Variants in KRT4 observed in about 807,000 individuals in gnomAD.
The protein encoded by KRT4 is keratin, type II cytoskeletal 4.
Under a neutral mutation model 50.6 loss-of-function variants are expected in KRT4, and 47 were observed. That is an observed-to-expected ratio of 0.93 (90% CI 0.73 to 1.18). The LOEUF (loss-of-function observed/expected upper bound fraction) is 1.18, where lower values mean the gene tolerates loss of function less well. Ranked by LOEUF, KRT4 falls within the 50% of genes most tolerant of loss-of-function variation. KRT4 has a pLI of 0.00. For missense variants in KRT4, 651 were observed against 645.7 expected, an observed-to-expected ratio of 1.01 and a Z score of -0.09; for synonymous variants, 254 against 251.2, an observed-to-expected ratio of 1.01 and a Z score of -0.10.
chr12:52,813,303 AC>A (rs1396278419), intron 1 of KRT4, among the ~76,000 whole-genome samples: 3 of 151,876 alleles, frequency 2.0e-5, no homozygotes, highest in Non-Finnish European at 4.4e-5. Context: ...GAAATAATGA[AC>A]CCCCTTTATA....
intron 2 of KRT4, among the ~76,000 whole-genome samples, chr12:52,811,288 C>T (rs996488472): frequency 6.6e-6 from 1 of 152,144 alleles, no homozygotes; most frequent in Non-Finnish European, 1.5e-5. Flanking sequence ...CTGAAATATG[C>T]CACATGCTTT....
At chr12:52,811,355 C>A in intron 2 of KRT4, 1 of 264,088 alleles carries the variant, frequency 3.8e-6, no homozygotes, top group Non-Finnish European at 7.3e-6. Context: ...GAATATTATC[C>A]CCATTTCAAA....
rs1447470085 is a variant in KRT4, at chr12:52,806,940, A to T, written c.*129T>A. ...GATCATCCTGGGGCAGAGAGAGCCC[A>T]TGGGATAGTGGAGGGGATACTAGTA... On this transcript the variant is annotated 3_prime_UTR_variant, in exon 9 of 9. Transcript: ENST00000551956. 4.5e-6 allele frequency: 4 copies of T among 891,806 alleles called. No homozygotes were observed. The highest frequency in any genetic ancestry group is 7.3e-6 in the Non-Finnish European group (4 of 549,398). The allele number at this position is 891,806 out of a possible 1,614,324, so 55.2% of individuals were successfully genotyped here. A position where few individuals can be genotyped will look rare whatever the true frequency, so the allele number is the denominator to read the frequency against.
rs200831095 is a variant in KRT4 at position 52,813,698 on chromosome 12, G to A, written c.361C>T (p.Pro121Ser). The change falls in exon 1 of 9, where the codon CCC becomes TCC. Residue 121 changes from proline to serine, a missense_variant. Pro to Ser is a moderately conservative substitution (Grantham distance 74, BLOSUM62 -1). Coordinates refer to ENST00000551956, the MANE Select transcript of KRT4 (RefSeq NM_002272.4). ...EVTINQSLLT[P>S]LHVEIDPEIQ... ...TCAGGGTCAATCTCCACGTGGAGGG[G>A]GGTGAGCAAGCTCTGGTTGATGGTG... The A allele has an allele frequency of 2.8e-6, 4 of 1,418,896 alleles. No homozygotes were observed. Among genetic ancestry groups the A allele is most frequent in the Admixed American group, 4.2e-5 (2 of 47,964 alleles). The allele number at this position is 1,418,896 out of a possible 1,614,324, so 87.9% of individuals were successfully genotyped here. A position where few individuals can be genotyped will look rare whatever the true frequency, so the allele number is the denominator to read the frequency against.
In KRT4 at chr12:52,808,811, CG is replaced by C; in HGVS notation, c.873del (p.Val292TrpfsTer57). 6.2e-7 allele frequency: 1 copy of C among 1,614,156 alleles called. No homozygotes were observed. On this transcript the variant is annotated frameshift_variant, in exon 5 of 9. Coordinates refer to ENST00000551956, the MANE Select transcript of KRT4 (RefSeq NM_002272.4). LOFTEE classifies it high-confidence loss of function. ...CGGTTGTTGTCCATGGAAAGGACCACGGACGTGTCGCTGACATGGGTCTGCA... is the reference window on the plus strand; with the variant it reads ...CGGTTGTTGTCCATGGAAAGGACCACGACGTGTCGCTGACATGGGTCTGCA... ...SQMQTHVSDTSVVLSMDNNRN... is the reference protein window; with the variant it reads ...SQMQTHVSDTXVVLSMDNNRN...
chr12:52,808,156 G>A (rs1939834799), intron 6 of KRT4, 138 bp downstream of exon 6: 2 of 1,147,844 alleles, frequency 1.7e-6, no homozygotes, highest in Admixed American at 3.4e-5. Flanking sequence ...ATCTGGGTAT[G>A]CCTTGCACAA....
chr12:52,809,613 C>A (rs1592310177), intron 3 of KRT4, 135 bp from the exon 4 acceptor site: 2 of 722,726 alleles, frequency 2.8e-6, no homozygotes, highest in Non-Finnish European at 5.0e-6. Context: ...TGGTGGGAGA[C>A]CAATTATTTT....
In KRT4 at chr12:52,813,753, G is replaced by T. The variant is rs373594963; in HGVS notation, c.306C>A (p.Pro102=). 9.9e-7 allele frequency: 1 copy of T among 1,010,810 alleles called. No homozygotes were observed. The highest frequency in any genetic ancestry group is 1.1e-4 in the East Asian group (1 of 8,696). The allele number at this position is 1,010,810 out of a possible 1,614,324, so 62.6% of individuals were successfully genotyped here. A position where few individuals can be genotyped will look rare whatever the true frequency, so the allele number is the denominator to read the frequency against. The change falls in exon 1 of 9, where the codon CCC becomes CCA. Residue 102 remains proline (P), a synonymous_variant. Transcript: ENST00000551956. ...CCTGAATTCCCCCAGCGGGGCAGAC[G>T]GGGAAGCCAGGGCCACCCTTACCAC... The part of the protein sequence containing the change: ...SFSGKGGPGF[P]VCPAGGIQEV...
chr12:52,810,543 A>G lies in KRT4; in HGVS notation c.738+213T>C, dbSNP rs4919747. On this transcript the variant is annotated intron_variant, in intron 3 of 8. Coordinates refer to ENST00000551956, the MANE Select transcript of KRT4 (RefSeq NM_002272.4). ...GCCTGGGCAAAAAGAGTGAAGCTCC[A>G]TCTCAAAAAAAAAAGCAAATAGGCT... Among the ~76,000 whole-genome samples the G allele has an allele frequency of 0.88, 134,266 of 151,916 alleles. 59,603 individuals are homozygous for G. The highest frequency in any genetic ancestry group is 0.97 in the African/African-American group (40,163 of 41,460).
chr12:52,811,790 T>A lies in KRT4; in HGVS notation c.650A>T (p.Gln217Leu). ...GRLQSELKTM[Q>L]DSVEDFKTKY... Reference sequence around the variant, plus strand: ...AGTCTTGAAGTCCTCCACGCTGTCCTGCATGGTCTTCAGCTCAGACTGCAG... The same window carrying A: ...AGTCTTGAAGTCCTCCACGCTGTCCAGCATGGTCTTCAGCTCAGACTGCAG... Residue 217 changes from glutamine to leucine, a missense_variant, in exon 2 of 9, where the codon CAG (glutamine) becomes CTG (leucine). Physicochemically the swap from Gln to Leu is moderately radical, Grantham distance 113. Transcript: ENST00000551956. 2 of 1,613,756 alleles carry A rather than the reference T, an allele frequency of 1.2e-6. No homozygotes were observed. Among genetic ancestry groups the A allele is most frequent in the Non-Finnish European group, 1.7e-6 (2 of 1,179,960 alleles).
intron 3 of KRT4, among the ~76,000 whole-genome samples, chr12:52,810,027 C>T (rs1373306803): frequency 6.6e-6 from 1 of 152,046 alleles, no homozygotes; most frequent in African/African-American, 2.4e-5. Context: ...AACACATGTC[C>T]TCACTTATAA....
chr12:52,809,745 AGTG>A (rs1939876569), intron 3 of KRT4, among the ~76,000 whole-genome samples: 1 of 152,250 alleles, frequency 6.6e-6, no homozygotes, highest in Non-Finnish European at 1.5e-5. Flanking sequence ...CAGCAATCCC[AGTG>A]CTGGAATTCC....
Position 52,814,015 on chromosome 12 carries a change from A to G in KRT4, c.44T>C (p.Phe15Ser). The G allele has an allele frequency of 6.2e-7, 1 of 1,614,090 alleles. No individual in the cohort carries two copies. The highest frequency in any genetic ancestry group is 8.5e-7 in the Non-Finnish European group (1 of 1,179,972). ...QQCVRGGPRG[F>S]SCGSAIVGGG... ...GCCTACAATGGCCGAGCCACAGCTG[A>G]AGCCCCGGGGCCCGCCTCGGACACA... The change falls in exon 1 of 9, where the codon TTC becomes TCC. Residue 15 changes from phenylalanine to serine, a missense_variant. Coordinates refer to ENST00000551956, the MANE Select transcript of KRT4 (RefSeq NM_002272.4).
chr12:52,807,253 G>A lies in KRT4; in HGVS notation c.1382-3C>T. The A allele has an allele frequency of 1.2e-6, 2 of 1,614,190 alleles. No individual in the cohort carries two copies. Among genetic ancestry groups the A allele is most frequent in the East Asian group, 2.2e-5 (1 of 44,884 alleles). On this transcript the variant is annotated splice_region_variant and splice_polypyrimidine_tract_variant and intron_variant, in intron 8 of 8. Coordinates refer to ENST00000551956, the MANE Select transcript of KRT4 (RefSeq NM_002272.4). ...GCTGGTGCTACCGCTGACCACAGCT[G>A]CAGAAAAGACACAAAAGACACAGTT... is the stretch of plus-strand genomic sequence containing the variant.
chr12:52,808,153 T>C lies in KRT4; in HGVS notation c.1125+141A>G, dbSNP rs1939834740. 22 of 1,118,726 alleles carry C rather than the reference T, an allele frequency of 2.0e-5. No individual in the cohort carries two copies. In the South Asian group the frequency reaches 2.8e-4, roughly 14 times the overall value. 69.3% of individuals were successfully genotyped at this position (1,118,726 alleles called of 1,614,324 possible). On this transcript the variant is annotated intron_variant, in intron 6 of 8. Coordinates refer to ENST00000551956, the MANE Select transcript of KRT4 (RefSeq NM_002272.4). ...TAGGATATTGCTGAAAAAATCTGGG[T>C]ATGCCTTGCACAAAGAGCTATGAAT... is the stretch of plus-strand genomic sequence containing the variant.
At chr12:52,813,456 T>G in intron 1 of KRT4, 141 bp downstream of exon 1, 1 of 763,088 alleles carries the variant, frequency 1.3e-6, no homozygotes, top group Admixed American at 2.1e-5. Flanking sequence ...AAAGTCATGA[T>G]GCCCCTTCAA....
rs929332931 is a variant in KRT4 at position 52,807,222 on chromosome 12, T to A, written c.1410A>T (p.Gly470=). ...CACTTCCTAATCCTCCGCTGATGCC[T>A]CCAGTGCTGGTGCTACCGCTGACCA... ...ISVVSGSTST[G]GISGGLGSGS... The change falls in exon 9 of 9, where the codon GGA becomes GGT. Residue 470 remains glycine, a synonymous_variant. Coordinates refer to ENST00000551956, the MANE Select transcript of KRT4 (RefSeq NM_002272.4). The A allele has an allele frequency of 6.2e-7, 1 of 1,613,962 alleles. No homozygotes were observed. The highest frequency in any genetic ancestry group is 8.5e-7 in the Non-Finnish European group (1 of 1,180,016).
rs767350046 is a variant in KRT4 at position 52,807,221 on chromosome 12, C to T, written c.1411G>A (p.Gly471Ser). ...CCACTTCCTAATCCTCCGCTGATGCCTCCAGTGCTGGTGCTACCGCTGACC... is the reference window on the plus strand; with the variant it reads ...CCACTTCCTAATCCTCCGCTGATGCTTCCAGTGCTGGTGCTACCGCTGACC... ...SVVSGSTSTGGISGGLGSGSG... is the reference protein window; with the variant it reads ...SVVSGSTSTGSISGGLGSGSG... The change falls in exon 9 of 9, where the codon GGC becomes AGC. Residue 471 changes from glycine (G) to serine (S), a missense_variant. Gly to Ser is a moderately conservative substitution (Grantham distance 56). Coordinates refer to ENST00000551956, the MANE Select transcript of KRT4 (RefSeq NM_002272.4). 6.2e-6 allele frequency: 10 copies of T among 1,614,080 alleles called. No homozygotes were observed. Among genetic ancestry groups the T allele is most frequent in the African/African-American group, 5.3e-5 (4 of 74,908 alleles).
At chr12:52,808,251 G>A in intron 6 of KRT4, 43 bp downstream of exon 6, 1 of 1,612,624 alleles carries the variant, frequency 6.2e-7, no homozygotes, top group African/African-American at 1.3e-5. Flanking sequence ...GTCTGCCTGA[G>A]GCCCCTGGCC....
Sources: gnomAD v4.1 joint callset for allele counts (sites outside exome capture counted in the v4.1 genomes callset) on GRCh38, gnomAD v4.1.1 for gene constraint, MANE v1.5 for transcripts, NCBI Gene and HGNC (gene_info 2026-07-23, HGNC 2026-07-21) for gene names.